BTBD19: variants seen among roughly 807,000 people sequenced by gnomAD.
BTBD19 encodes the protein BTB/POZ domain-containing protein 19.
BTBD19 carries 20 observed loss-of-function variants against 36.1 expected under a neutral mutation model. The observed-to-expected ratio is 0.55, with a 90% CI of 0.39 to 0.80. The LOEUF is 0.80. BTBD19 is among the 30% of genes least tolerant of loss of function. BTBD19 has a pLI of 0.00. For synonymous variants in BTBD19, 157 were observed against 174.3 expected (o/e 0.90, Z 0.78); for missense variants, 325 against 389.8 (o/e 0.83, Z 1.40).
chr1:44,811,220 CAA>C (rs35007342), intron 3 of BTBD19, among the ~76,000 whole-genome samples: 25 of 71,194 alleles, frequency 3.5e-4, no homozygotes, highest in Non-Finnish European at 3.0e-4. Context: ...GACTTGCCCT[CAA>C]AAAAAAAAAA....
rs1277208277 is a variant in BTBD19, at chr1:44,812,948, C to A, written c.415-48C>A. 8.8e-6 allele frequency: 13 copies of A among 1,482,208 alleles called. No homozygotes were observed. In the East Asian group the frequency reaches 2.7e-4, roughly 31 times the overall value. 91.8% of individuals were successfully genotyped at this position (1,482,208 alleles called of 1,614,324 possible). On this transcript the variant is annotated intron_variant, in intron 4 of 7. Coordinates refer to ENST00000450269, the Ensembl canonical transcript of BTBD19. ...GGTGGGTCCCAGTGAGCAGGCTGGG[C>A]TACGGCCTCTCCAGTCTCCAACCTG...
downstream of BTBD19, chr1:44,815,319 T>C (rs1030545171): frequency 6.6e-6 from 1 of 152,238 alleles, no homozygotes; most frequent in African/African-American, 2.4e-5. Flanking sequence ...TAGTGAGTGG[T>C]TCCTCACCTC....
rs1426883491 is a variant in BTBD19, at chr1:44,813,874, C to T, written c.*102C>T. The T allele has an allele frequency of 2.7e-6, 4 of 1,483,000 alleles. No individual in the cohort carries two copies. In the Admixed American group the frequency reaches 8.1e-5, roughly 30 times the overall value. The allele number at this position is 1,483,000 out of a possible 1,614,324, so 91.9% of individuals were successfully genotyped here. A position where few individuals can be genotyped will look rare whatever the true frequency, so the allele number is the denominator to read the frequency against. ...GGCGTTCGGAGCGGGCTTCCGTTCC[C>T]AGCGTGCCCAGTGAGCCGGGCGCCG... On this transcript the variant is annotated 3_prime_UTR_variant, in exon 8 of 8. Transcript: ENST00000450269. The surrounding 1 kb of genome is among the most constrained non-coding windows in gnomAD (Gnocchi z 7.8).
At chr1:44,814,020 A>G (rs1000505513) in exon 8 of BTBD19, 8 of 607,092 alleles carry the variant, frequency 1.3e-5, no homozygotes, top group African/African-American at 3.7e-5. Flanking sequence ...CTCGAAAACG[A>G]GGATTTCCTT....
At chr1:44,814,163 TTTCTTTC>T (rs1418785260), downstream of BTBD19, 10 of 132,004 alleles carry the variant, frequency 7.6e-5, no homozygotes, top group African/African-American at 3.3e-4. Context: ...TCTTTCTTTC[TTTCTTTC>T]TTTCTTTCTT....
chr1:44,813,205 A>C lies in BTBD19; in HGVS notation c.551A>C (p.Asp184Ala). Residue 184 changes from aspartate (D) to alanine (A), a missense_variant, in exon 6 of 8, where the codon GAC becomes GCC. Asp to Ala is a moderately radical substitution (Grantham distance 126). Transcript: ENST00000450269. The surrounding 1 kb of genome is among the most constrained non-coding windows in gnomAD (Gnocchi z 7.8). ...GCGCTGCTGCCCCTGCTCCGCAGCG[A>C]CAAGCTCTGCGTGGACGAGGCTGAA... 3 of 1,545,426 alleles carry C rather than the reference A, an allele frequency of 1.9e-6. No individual in the cohort carries two copies. Among genetic ancestry groups the C allele is most frequent in the Non-Finnish European group, 2.6e-6 (3 of 1,145,082 alleles).
downstream of BTBD19, chr1:44,815,144 C>T (rs530992612): frequency 6.6e-6 from 1 of 152,420 alleles, no homozygotes; most frequent in African/African-American, 2.4e-5. Context: ...TCTGACACGT[C>T]TCACAGCCTT....
intron 4 of BTBD19, chr1:44,812,595 G>C: frequency 2.5e-6 from 1 of 395,174 alleles, no homozygotes; most frequent in Non-Finnish European, 5.0e-6. Context: ...TACTCTGGAG[G>C]CTGAGGCAGG....
At chr1:44,814,148 CTCTTTCTTTCTTTCTT>C (rs1553163473), downstream of BTBD19, 1,350 of 159,358 alleles carry the variant, frequency 8.5e-3, 12 homozygotes, top group African/African-American at 0.017. Context: ...CTTTTTCTTT[CTCTTTCTTTCTTTCTT>C]TCTTTCTTTC....
In BTBD19 at chr1:44,810,168, G is replaced by A. The variant is rs542765440; in HGVS notation, c.87-45G>A. 32 of 1,492,864 alleles carry A rather than the reference G, an allele frequency of 2.1e-5. No homozygotes were observed. In the East Asian group the frequency reaches 3.0e-4, roughly 14 times the overall value. The allele number at this position is 1,492,864 out of a possible 1,614,324, so 92.5% of individuals were successfully genotyped here. On this transcript the variant is annotated intron_variant, in intron 1 of 7. Coordinates refer to ENST00000450269, the Ensembl canonical transcript of BTBD19. The surrounding 1 kb of genome is among the most constrained non-coding windows in gnomAD (Gnocchi z 4.2). ...AAAGGCACAGCCCAAGTTGCACTCC[G>A]GGTGCTGGCCTCCTCCCCGCTGCCT...
chr1:44,808,631 T>C, exon 1 of BTBD19: 1 of 448,692 alleles, frequency 2.2e-6, no homozygotes, highest in Non-Finnish European at 4.0e-6. Flanking sequence ...TCTGTTCCTG[T>C]CCCCGAGCCT....
intron 3 of BTBD19, among the ~76,000 whole-genome samples, chr1:44,811,465 G>A (rs1652410667): frequency 6.6e-6 from 1 of 152,182 alleles, no homozygotes; most frequent in South Asian, 2.1e-4. Flanking sequence ...GTGAGGAGAG[G>A]GCAAGACGAG....
chr1:44,811,931 G>A (rs753043954), intron 3 of BTBD19, 108 bp from the exon 4 acceptor site: 4 of 868,748 alleles, frequency 4.6e-6, no homozygotes, highest in Non-Finnish European at 6.8e-6. Context: ...ATGGGTCTGG[G>A]GCTGCTGGGT....
Position 44,812,859 on chromosome 1 carries a change from A to C in BTBD19, c.415-137A>C, listed in dbSNP as rs1206344687. The C allele has an allele frequency of 1.1e-5, 7 of 642,482 alleles. No individual in the cohort carries two copies. The Admixed American group carries it at 1.5e-4, about 14-fold the overall frequency. 39.8% of individuals were successfully genotyped at this position (642,482 alleles called of 1,614,324 possible). A position where few individuals can be genotyped will look rare whatever the true frequency, so the allele number is the denominator to read the frequency against. The stretch of plus-strand genomic sequence containing the variant: ...TGTGTAGCAGGCTTTCATTGGGTCT[A>C]GTTTCCTGGAGGGCTGAGGGCCCTG... On this transcript the variant is annotated intron_variant, in intron 4 of 7. Transcript: ENST00000450269.
At chr1:44,809,464 A>G (rs1198895572) in intron 1 of BTBD19, among the ~76,000 whole-genome samples, 2 of 152,158 alleles carry the variant, frequency 1.3e-5, no homozygotes, top group Non-Finnish European at 1.5e-5. Context: ...GAGAGCTAGA[A>G]TGAAGTTCTC....
At chr1:44,815,511 C>T (rs1214326031), downstream of BTBD19, 2 of 152,194 alleles carry the variant, frequency 1.3e-5, no homozygotes, top group African/African-American at 4.8e-5. Context: ...TGGTGTCTTA[C>T]TCGTTTCTGC....
At position 44,813,788 on chromosome 1, in the gene BTBD19, C is replaced by A. The variant is rs1300935494; in HGVS notation, c.*16C>A. 6.4e-7 allele frequency: 1 copy of A among 1,551,186 alleles called. No homozygotes were observed. The highest frequency in any genetic ancestry group is 1.4e-5 in the African/African-American group (1 of 73,044). On this transcript the variant is annotated 3_prime_UTR_variant, in exon 8 of 8. Transcript: ENST00000450269. The surrounding 1 kb of genome is among the most constrained non-coding windows in gnomAD (Gnocchi z 7.8). The stretch of plus-strand genomic sequence containing the variant: ...CTTCAAATGATCCAACGCCGGGACT[C>A]GCAGGGAGCCCTCGACCCGCCCAGC...
Position 44,810,654 on chromosome 1 carries a change from G to C in BTBD19, c.354+47G>C. The C allele has an allele frequency of 6.7e-7, 1 of 1,490,148 alleles. No homozygotes were observed. Among genetic ancestry groups the C allele is most frequent in the Non-Finnish European group, 9.0e-7 (1 of 1,111,772 alleles). 92.3% of individuals were successfully genotyped at this position (1,490,148 alleles called of 1,614,324 possible). ...CTGTCTCATTTCCCTTGCTTCTCAC[G>C]GGCTCACTTCCCGCCCTGCCTCACA... On this transcript the variant is annotated intron_variant, in intron 3 of 7. Transcript: ENST00000450269. This position sits in a 1 kb window ranked among gnomAD's most constrained non-coding sequence, Gnocchi z 4.2.
At chr1:44,809,757 C>T (rs1358967337) in intron 1 of BTBD19, among the ~76,000 whole-genome samples, 2 of 152,108 alleles carry the variant, frequency 1.3e-5, no homozygotes, top group Non-Finnish European at 2.9e-5. Flanking sequence ...CACTCTGTGC[C>T]CCACACCCCC....
Sources: allele counts gnomAD v4.1 joint callset (sites outside exome capture counted in the v4.1 genomes callset), GRCh38; gene constraint gnomAD v4.1.1; non-coding constraint Gnocchi (gnomAD v3.1); transcripts MANE v1.5; gene names NCBI Gene and HGNC (gene_info 2026-07-23, HGNC 2026-07-21).